Variants in SLC27A2 observed in about 807,000 individuals in gnomAD.
SLC27A2 encodes long-chain fatty acid transport protein 2.
A neutral mutation model predicts 60.0 loss-of-function variants in SLC27A2; 54 were observed. The observed-to-expected ratio is 0.90, with a 90% CI of 0.72 to 1.13. The LOEUF (loss-of-function observed/expected upper bound fraction) is 1.13. SLC27A2 is among the 50% of genes most tolerant of loss of function. The pLI, the probability that SLC27A2 is intolerant of heterozygous loss-of-function variation, is 0.00. For synonymous variants in SLC27A2, 297 were observed against 297.6 expected (o/e 1.00, Z 0.02); for missense variants, 739 against 777.6 (o/e 0.95, Z 0.59).
At chr15:50,194,801 A>T (rs923213139) in intron 1 of SLC27A2, among the ~76,000 whole-genome samples, 12 of 152,292 alleles carry the variant, frequency 7.9e-5, no homozygotes, top group South Asian at 4.1e-4. Flanking sequence ...AAAATTTTTT[A>T]AAAAATGTAA....
Position 50,182,403 on chromosome 15 carries a change from T to A in SLC27A2, c.-25T>A, listed in dbSNP as rs1595676336. 1 of 1,569,962 alleles carries A rather than the reference T, an allele frequency of 6.4e-7. No homozygotes were observed. The highest frequency in any genetic ancestry group is 2.3e-5 in the East Asian group (1 of 43,766). On this transcript the variant is annotated 5_prime_UTR_variant, in exon 1 of 10. Coordinates refer to ENST00000267842, the MANE Select transcript of SLC27A2 (RefSeq NM_003645.4). ...CCCGGGGTGAACCCTCTGCCCTCGC[T>A]GGGACAGAGGGCCCCGCAGCCGTCA...
chr15:50,223,199 T>C (rs2045256285), intron 5 of SLC27A2, 40 bp downstream of exon 5: 1 of 1,482,516 alleles, frequency 6.7e-7, no homozygotes, highest in African/African-American at 1.4e-5. Context: ...TAGCCAGTTT[T>C]CAGAATACAG....
intron 8 of SLC27A2, among the ~76,000 whole-genome samples, chr15:50,230,079 C>G (rs1471133927): frequency 1.3e-5 from 2 of 151,404 alleles, no homozygotes; most frequent in Non-Finnish European, 2.9e-5. Context: ...ACTAAAAATA[C>G]AAAAATTAGC....
chr15:50,218,871 G>A (rs1220009815), intron 4 of SLC27A2, among the ~76,000 whole-genome samples: 1 of 152,116 alleles, frequency 6.6e-6, no homozygotes, highest in Non-Finnish European at 1.5e-5. Flanking sequence ...CTGGAGCAGA[G>A]GAGACAAAGA....
chr15:50,227,236 C>A, intron 7 of SLC27A2, 58 bp downstream of exon 7: 1 of 1,353,922 alleles, frequency 7.4e-7, no homozygotes, highest in Non-Finnish European at 1.0e-6. Context: ...TGGCTTACTC[C>A]TAGTGGAATC....
chr15:50,230,104 C>T (rs564350403), intron 8 of SLC27A2, among the ~76,000 whole-genome samples: 1 of 151,906 alleles, frequency 6.6e-6, no homozygotes, highest in African/African-American at 2.4e-5. Flanking sequence ...TGTGGTGGCA[C>T]GTGCCTATAG....
At chr15:50,225,688 A>T (rs1455967738) in intron 5 of SLC27A2, among the ~76,000 whole-genome samples, 1 of 152,240 alleles carries the variant, frequency 6.6e-6, no homozygotes, top group East Asian at 1.9e-4. Context: ...AATATTATAG[A>T]CATATTTAGT....
chr15:50,234,384 T>G (rs2045336388), intron 9 of SLC27A2, among the ~76,000 whole-genome samples: 1 of 152,052 alleles, frequency 6.6e-6, no homozygotes, highest in Non-Finnish European at 1.5e-5. Flanking sequence ...GGTCGGGGGT[T>G]CGAGATCAGC....
chr15:50,204,469 C>T (rs2045092487), intron 3 of SLC27A2, among the ~76,000 whole-genome samples: 1 of 150,674 alleles, frequency 6.6e-6, no homozygotes, highest in African/African-American at 2.5e-5. Context: ...TACGGTGGCT[C>T]ACGCCTGTAA....
At chr15:50,202,159 G>A (rs1490281890) in intron 2 of SLC27A2, among the ~76,000 whole-genome samples, 3 of 152,246 alleles carry the variant, frequency 2.0e-5, no homozygotes, top group East Asian at 3.9e-4. Context: ...TATGGCTTGT[G>A]GGCCAAATAC....
chr15:50,215,717 G>A (rs1317014192), intron 4 of SLC27A2, among the ~76,000 whole-genome samples: 2 of 152,132 alleles, frequency 1.3e-5, no homozygotes, highest in Admixed American at 6.5e-5. Flanking sequence ...AGGGGGCAAA[G>A]TACACCCTAT....
intron 5 of SLC27A2, among the ~76,000 whole-genome samples, chr15:50,225,423 T>C (rs2045271955): frequency 6.6e-6 from 1 of 152,198 alleles, no homozygotes; most frequent in East Asian, 1.9e-4. Flanking sequence ...TTCTAAAATA[T>C]ATTAGATAAC....
chr15:50,224,189 C>T (rs1472279689), intron 5 of SLC27A2, among the ~76,000 whole-genome samples: 1 of 152,184 alleles, frequency 6.6e-6, no homozygotes, highest in East Asian at 1.9e-4. Flanking sequence ...GCCTGTAATC[C>T]CAGCACTTTG....
intron 4 of SLC27A2, among the ~76,000 whole-genome samples, chr15:50,210,326 A>T (rs992937112): frequency 6.6e-6 from 1 of 152,216 alleles, no homozygotes; most frequent in African/African-American, 2.4e-5. Context: ...GATCGCCCCA[A>T]CTGCAGAAGT....
intron 4 of SLC27A2, among the ~76,000 whole-genome samples, chr15:50,207,782 C>G (rs2045124531): frequency 1.4e-5 from 2 of 147,126 alleles, no homozygotes; most frequent in Admixed American, 1.4e-4. Flanking sequence ...AGAACAAGAC[C>G]CTGTCTCAAA....
Position 50,197,649 on chromosome 15 carries a change from T to C in SLC27A2, c.628T>C (p.Trp210Arg), listed in dbSNP as rs771937968. 5.0e-6 allele frequency: 8 copies of C among 1,613,982 alleles called. No individual in the cohort carries two copies. In the African/African-American group the frequency reaches 5.3e-5, roughly 11 times the overall value. ...EVSTEPIPES[W>R]RSEVTFSTPA... ...ATCAACTGAACCTATCCCAGAGTCATGGAGGTCTGAAGTCACTTTTTCCAC... is the reference window on the plus strand; with the variant it reads ...ATCAACTGAACCTATCCCAGAGTCACGGAGGTCTGAAGTCACTTTTTCCAC... The change falls in exon 2 of 10, where the codon TGG becomes CGG. Residue 210 changes from tryptophan (W) to arginine (R), a missense_variant. Physicochemically the swap from Trp to Arg is moderately radical, Grantham distance 101. Transcript: ENST00000267842.
At chr15:50,204,741 A>G (rs2045096599) in intron 3 of SLC27A2, among the ~76,000 whole-genome samples, 1 of 149,898 alleles carries the variant, frequency 6.7e-6, no homozygotes, top group Non-Finnish European at 1.5e-5. Flanking sequence ...TCAAAAAAAG[A>G]AAAAAAAATA....
rs78362296 is a variant in SLC27A2 at position 50,197,429 on chromosome 15, C to T, written c.479-71C>T. Reference sequence around the variant, plus strand: ...TTATGCTGAAAATAAAATTATGATGCTTGTTGAAGCACTAATAGAACTTTA... The same window carrying T: ...TTATGCTGAAAATAAAATTATGATGTTTGTTGAAGCACTAATAGAACTTTA... On this transcript the variant is annotated intron_variant, in intron 1 of 9. Coordinates refer to ENST00000267842, the MANE Select transcript of SLC27A2 (RefSeq NM_003645.4). 534 of 1,150,282 alleles carry T rather than the reference C, an allele frequency of 4.6e-4. 3 individuals are homozygous for T. The African/African-American group carries it at 7.5e-3, about 16-fold the overall frequency. The allele number at this position is 1,150,282 out of a possible 1,614,324, so 71.3% of individuals were successfully genotyped here. A position where few individuals can be genotyped will look rare whatever the true frequency, so the allele number is the denominator to read the frequency against.
intron 4 of SLC27A2, among the ~76,000 whole-genome samples, chr15:50,217,970 T>C (rs921611890): frequency 3.4e-5 from 5 of 148,630 alleles, no homozygotes; most frequent in African/African-American, 1.0e-4. Context: ...AGGAGAATCA[T>C]TTGAACCCGG....
Sources: allele counts gnomAD v4.1 joint callset (sites outside exome capture counted in the v4.1 genomes callset), GRCh38; gene constraint gnomAD v4.1.1; transcripts MANE v1.5; gene names NCBI Gene and HGNC (gene_info 2026-07-23, HGNC 2026-07-21).